Variants in PDCD1LG2 observed in about 807,000 individuals in gnomAD.
PDCD1LG2 encodes B7 dendritic cell molecule.
In PDCD1LG2, 32 loss-of-function variants were observed where a neutral mutation model predicts 28.2. That is an observed-to-expected ratio of 1.13 (90% CI 0.86 to 1.52). The LOEUF (loss-of-function observed/expected upper bound fraction) is 1.52. Ranked by LOEUF, PDCD1LG2 falls within the 40% of genes most tolerant of loss-of-function variation. The pLI is 0.00. For missense variants in PDCD1LG2, 385 were observed against 323.8 expected, an observed-to-expected ratio of 1.19 and a Z score of -1.45; for synonymous variants, 116 against 120.2, an observed-to-expected ratio of 0.97 and a Z score of 0.23.
chr9:5,567,623 G>C (rs558848581), intron 6 of PDCD1LG2, among the ~76,000 whole-genome samples: 3 of 152,336 alleles, frequency 2.0e-5, no homozygotes, highest in African/African-American at 7.2e-5. Context: ...GGGGCTAAGA[G>C]ATATTAAGTG....
chr9:5,531,187 C>T (rs1820477235), intron 2 of PDCD1LG2, among the ~76,000 whole-genome samples: 1 of 152,194 alleles, frequency 6.6e-6, no homozygotes, highest in Admixed American at 6.5e-5. Flanking sequence ...GATTGAGGCC[C>T]TCTGCTTAGT....
chr9:5,512,101 T>G (rs954863025), intron 1 of PDCD1LG2, among the ~76,000 whole-genome samples: 18 of 152,242 alleles, frequency 1.2e-4, no homozygotes, highest in African/African-American at 4.1e-4. Flanking sequence ...TCAGAGTTTA[T>G]TTGCTTTACA....
At chr9:5,533,437 A>G (rs1217754071) in intron 2 of PDCD1LG2, among the ~76,000 whole-genome samples, 1 of 152,228 alleles carries the variant, frequency 6.6e-6, no homozygotes, top group Non-Finnish European at 1.5e-5. Context: ...TGGTAAATAG[A>G]GAATAGGAAG....
chr9:5,539,536 C>T (rs1213416309), intron 3 of PDCD1LG2, among the ~76,000 whole-genome samples: 4 of 152,182 alleles, frequency 2.6e-5, no homozygotes, highest in East Asian at 1.9e-4. Flanking sequence ...GTGGAATGAC[C>T]GGAGATTCTG....
At chr9:5,563,288 C>G in intron 6 of PDCD1LG2, 77 bp downstream of exon 6, 2 of 1,249,580 alleles carry the variant, frequency 1.6e-6, no homozygotes, top group Non-Finnish European at 2.3e-6. Flanking sequence ...AACCACTGTT[C>G]TATTAATTCA....
chr9:5,535,815 T>C (rs1170348440), intron 3 of PDCD1LG2, among the ~76,000 whole-genome samples: 3 of 152,146 alleles, frequency 2.0e-5, no homozygotes, highest in African/African-American at 7.2e-5. Context: ...ATCTCTCCAC[T>C]CCAGCACAAT....
At chr9:5,532,363 A>G (rs1327840270) in intron 2 of PDCD1LG2, among the ~76,000 whole-genome samples, 2 of 152,206 alleles carry the variant, frequency 1.3e-5, no homozygotes, top group Non-Finnish European at 2.9e-5. Context: ...ATAAATCTCA[A>G]GTTTGTGCAT....
intron 2 of PDCD1LG2, among the ~76,000 whole-genome samples, chr9:5,530,302 C>T (rs1250010150): frequency 5.3e-5 from 8 of 152,064 alleles, no homozygotes; most frequent in Admixed American, 3.9e-4. Flanking sequence ...TAGTTAAGGG[C>T]CCCACATGAA....
rs536449817 is a variant in PDCD1LG2 at position 5,569,815 on chromosome 9, A to G, written c.817-139A>G. On this transcript the variant is annotated intron_variant, in intron 6 of 6. Transcript: ENST00000397747. The surrounding 1 kb of genome is among the most constrained non-coding windows in gnomAD (Gnocchi z 4.1). The stretch of plus-strand genomic sequence containing the variant: ...TAAAAACTGTGGAAAGAAGTTTTAA[A>G]TGAAAAGTTTTAAACCATGCGGCTT... 85 of 817,408 alleles carry G rather than the reference A, an allele frequency of 1.0e-4. 1 individual carries two copies. The African/African-American group carries it at 1.1e-3, about 11-fold the overall frequency. The allele number at this position is 817,408 out of a possible 1,614,324, so 50.6% of individuals were successfully genotyped here. A position where few individuals can be genotyped will look rare whatever the true frequency, so the allele number is the denominator to read the frequency against.
chr9:5,553,530 A>C lies in PDCD1LG2; in HGVS notation c.631+3926A>C, dbSNP rs113315296. 2.1e-3 allele frequency among the ~76,000 whole-genome samples: 321 copies of C among 152,338 alleles called. 1 individual carries two copies. The highest frequency in any genetic ancestry group is 7.3e-3 in the African/African-American group (303 of 41,572). On this transcript the variant is annotated intron_variant, in intron 4 of 6. Transcript: ENST00000397747. ...ACAGGGGCCTGTATGAGATGAATTG[A>C]GAAATAACTTTACACCACTGATTAT... is the stretch of plus-strand genomic sequence containing the variant.
chr9:5,566,745 C>T (rs181350251), intron 6 of PDCD1LG2, among the ~76,000 whole-genome samples: 5 of 152,182 alleles, frequency 3.3e-5, no homozygotes, highest in Admixed American at 2.0e-4. Flanking sequence ...AAAACTGGAA[C>T]CTATAATAAA....
chr9:5,559,130 C>T (rs1816506901), intron 5 of PDCD1LG2, among the ~76,000 whole-genome samples: 1 of 152,182 alleles, frequency 6.6e-6, no homozygotes, highest in Admixed American at 6.5e-5. Context: ...AATGGAGTCA[C>T]ACTCAAAGAT....
At chr9:5,523,106 G>A (rs1319971945) in intron 2 of PDCD1LG2, among the ~76,000 whole-genome samples, 2 of 152,198 alleles carry the variant, frequency 1.3e-5, no homozygotes. Flanking sequence ...ATACCTTAAT[G>A]TGGTTTACTG....
intron 4 of PDCD1LG2, among the ~76,000 whole-genome samples, chr9:5,556,167 G>T (rs1354187885): frequency 1.3e-5 from 2 of 152,278 alleles, no homozygotes; most frequent in Middle Eastern, 3.4e-3. Context: ...GATGAGTAGG[G>T]CTTCTGTACG....
rs964268668 is a variant in PDCD1LG2 at position 5,570,557 on chromosome 9, G to A, written c.*598G>A. On this transcript the variant is annotated 3_prime_UTR_variant, in exon 7 of 7. Transcript: ENST00000397747. ...TAAATATACACTAAGTGCACAAATTGTGGAGTAAAGTCATCAAGCTCTGTT... is the reference window on the plus strand; with the variant it reads ...TAAATATACACTAAGTGCACAAATTATGGAGTAAAGTCATCAAGCTCTGTT... 14 of 232,656 alleles carry A rather than the reference G, an allele frequency of 6.0e-5. No homozygotes were observed. Among genetic ancestry groups the A allele is most frequent in the African/African-American group, 2.4e-4 (11 of 45,304 alleles). 14.4% of individuals were successfully genotyped at this position (232,656 alleles called of 1,614,324 possible). A position where few individuals can be genotyped will look rare whatever the true frequency, so the allele number is the denominator to read the frequency against.
chr9:5,525,724 C>T (rs564753551), intron 2 of PDCD1LG2, among the ~76,000 whole-genome samples: 1 of 152,086 alleles, frequency 6.6e-6, no homozygotes, highest in East Asian at 1.9e-4. Flanking sequence ...ATTGCTTAAG[C>T]ATACCTTATA....
intron 4 of PDCD1LG2, among the ~76,000 whole-genome samples, chr9:5,552,605 T>A (rs1442929893): frequency 1.3e-5 from 2 of 152,140 alleles, no homozygotes; most frequent in Non-Finnish European, 2.9e-5. Flanking sequence ...GAGGCAGACA[T>A]GGTATGAGTT....
chr9:5,535,496 G>T (rs374092292), intron 3 of PDCD1LG2, among the ~76,000 whole-genome samples: 50 of 152,076 alleles, frequency 3.3e-4, no homozygotes, highest in African/African-American at 1.2e-3. Context: ...CCAGATGCAC[G>T]TTTCCCGCCC....
intron 4 of PDCD1LG2, among the ~76,000 whole-genome samples, chr9:5,553,196 C>G (rs1816372516): frequency 6.6e-6 from 1 of 152,070 alleles, no homozygotes; most frequent in South Asian, 2.1e-4. Flanking sequence ...ATTTTAGGAC[C>G]AACTTCAGGT....
Sources: gnomAD v4.1 joint callset for allele counts (sites outside exome capture counted in the v4.1 genomes callset) on GRCh38, gnomAD v4.1.1 for gene constraint, Gnocchi (gnomAD v3.1) non-coding constraint, MANE v1.5 for transcripts, NCBI Gene and HGNC (gene_info 2026-07-23, HGNC 2026-07-21) for gene names.